ZFAT: variants seen among roughly 807,000 people sequenced by gnomAD.
The protein encoded by ZFAT is zinc finger protein ZFAT.
Under a neutral mutation model 117.7 loss-of-function variants are expected in ZFAT, and 64 were observed. The observed-to-expected ratio is 0.54, with a 90% CI of 0.44 to 0.67. The LOEUF is 0.67. Ranked by LOEUF, ZFAT falls within the 30% of genes least tolerant of loss-of-function variation. ZFAT has a pLI of 0.00. For synonymous variants in ZFAT, 679 were observed against 615.0 expected (o/e 1.10, Z -1.54); for missense variants, 1,433 against 1,584.5 (o/e 0.90, Z 1.62).
the ZFAT span, among the ~76,000 whole-genome samples, chr8:134,830,080 G>C: frequency 6.6e-6 from 1 of 152,118 alleles, no homozygotes; most frequent in Non-Finnish European, 1.5e-5. Flanking sequence ...TTATCTCCAT[G>C]AACATATGAC....
intron 10 of ZFAT, among the ~76,000 whole-genome samples, chr8:134,569,979 A>G (rs549279324): frequency 7.9e-5 from 12 of 152,210 alleles, no homozygotes; most frequent in Admixed American, 5.9e-4. Context: ...ATCTGGCCTC[A>G]CCTCCACCCA....
chr8:134,671,952 C>T (rs1197914253), intron 1 of ZFAT, among the ~76,000 whole-genome samples: 13 of 152,200 alleles, frequency 8.5e-5, no homozygotes, highest in African/African-American at 2.9e-4. Context: ...CATTCTTATA[C>T]ACCAATAACG....
At chr8:134,670,237 C>T (rs922405119) in intron 1 of ZFAT, among the ~76,000 whole-genome samples, 1 of 152,224 alleles carries the variant, frequency 6.6e-6, no homozygotes, top group Non-Finnish European at 1.5e-5. Flanking sequence ...GAACTCAGCT[C>T]TGCACCAAGT....
chr8:134,539,867 G>A (rs1326590475), intron 11 of ZFAT, among the ~76,000 whole-genome samples: 1 of 152,224 alleles, frequency 6.6e-6, no homozygotes, highest in East Asian at 1.9e-4. Context: ...CAGGAGAAGA[G>A]GGTCAGGTGT....
At chr8:134,676,822 T>G (rs1173209551) in intron 1 of ZFAT, among the ~76,000 whole-genome samples, 2 of 152,194 alleles carry the variant, frequency 1.3e-5, no homozygotes, top group African/African-American at 4.8e-5. Flanking sequence ...ACATGGGAAC[T>G]GAACAACCTG....
At chr8:134,499,402 C>T (rs950515248) in intron 15 of ZFAT, among the ~76,000 whole-genome samples, 4 of 147,740 alleles carry the variant, frequency 2.7e-5, no homozygotes, top group African/African-American at 1.0e-4. Context: ...GCTGGGATGC[C>T]CCCGTTGCTG....
intron 15 of ZFAT, among the ~76,000 whole-genome samples, chr8:134,503,577 A>AT (rs1422497574): frequency 1.3e-5 from 2 of 152,166 alleles, no homozygotes; most frequent in Non-Finnish European, 2.9e-5. Flanking sequence ...TTTGGATGAG[A>AT]TTAACATTTA....
At chr8:134,571,043 T>A (rs1451217380) in intron 10 of ZFAT, among the ~76,000 whole-genome samples, 1 of 152,152 alleles carries the variant, frequency 6.6e-6, no homozygotes, top group East Asian at 1.9e-4. Context: ...GTCCATTCAC[T>A]CAGCGAGCAT....
chr8:134,578,155 G>A (rs1237077703), intron 10 of ZFAT, among the ~76,000 whole-genome samples: 1 of 152,134 alleles, frequency 6.6e-6, no homozygotes, highest in African/African-American at 2.4e-5. Flanking sequence ...CGGCTCACAT[G>A]TAATCACAGC....
chr8:134,712,768 C>A (rs1313064263), intron 1 of ZFAT, 77 bp downstream of exon 1: 1 of 1,399,804 alleles, frequency 7.1e-7, no homozygotes, highest in Non-Finnish European at 9.5e-7. Flanking sequence ...CCCGACTCGA[C>A]GCTCGAAACG....
At chr8:134,679,902 C>A (rs1241220368) in intron 1 of ZFAT, among the ~76,000 whole-genome samples, 2 of 133,924 alleles carry the variant, frequency 1.5e-5, no homozygotes, top group Non-Finnish European at 3.1e-5. Flanking sequence ...AACACATGGA[C>A]ACAGGGAAGG....
intron 1 of ZFAT, among the ~76,000 whole-genome samples, chr8:134,688,260 T>C (rs778176471): frequency 6.6e-6 from 1 of 152,236 alleles, no homozygotes; most frequent in Admixed American, 6.5e-5. Flanking sequence ...TAGTTGCTTC[T>C]GCTGTCCTTT....
chr8:134,726,468 GA>G, the ZFAT span, among the ~76,000 whole-genome samples: 103 of 152,332 alleles, frequency 6.8e-4, 2 homozygotes, highest in Admixed American at 5.7e-3. Context: ...GTTCCTAGAA[GA>G]AGGTCATATA....
At chr8:134,538,538 C>T (rs537856831) in intron 11 of ZFAT, among the ~76,000 whole-genome samples, 61 of 152,244 alleles carry the variant, frequency 4.0e-4, no homozygotes, top group African/African-American at 1.5e-3. Context: ...TGGCTCACGC[C>T]TGTAATCCCA....
chr8:134,662,251 C>T lies in ZFAT; in HGVS notation c.20-4514G>A, dbSNP rs547432782. On this transcript the variant is annotated intron_variant, in intron 1 of 15. Coordinates refer to ENST00000377838, the MANE Select transcript of ZFAT (RefSeq NM_020863.4). ...CCCCACCCTCACGACCTGACCACCT[C>T]CCAAAGGTCCCACCTGCTAGGCCAT... 2.2e-3 allele frequency among the ~76,000 whole-genome samples: 337 copies of T among 152,216 alleles called. 2 individuals are homozygous for T. The highest frequency in any genetic ancestry group is 7.7e-3 in the African/African-American group (321 of 41,526).
chr8:134,695,537 A>C (rs1435471758), intron 1 of ZFAT, among the ~76,000 whole-genome samples: 13 of 138,058 alleles, frequency 9.4e-5, no homozygotes, highest in Middle Eastern at 4.5e-3. Flanking sequence ...CCCTGCCTGC[A>C]TCTCTAACCA....
chr8:134,724,788 G>A, the ZFAT span, among the ~76,000 whole-genome samples: 5 of 152,068 alleles, frequency 3.3e-5, no homozygotes, highest in South Asian at 2.1e-4. Flanking sequence ...GGAGAAACTC[G>A]CCTCCCTTCC....
chr8:134,806,565 G>A, the ZFAT span, among the ~76,000 whole-genome samples: 1 of 152,118 alleles, frequency 6.6e-6, no homozygotes, highest in Non-Finnish European at 1.5e-5. Flanking sequence ...ACATTAAGTT[G>A]CAATAAACCA....
intron 1 of ZFAT, among the ~76,000 whole-genome samples, chr8:134,707,619 C>T (rs544649725): frequency 6.6e-6 from 1 of 152,312 alleles, no homozygotes; most frequent in African/African-American, 2.4e-5. Context: ...ACCCCAAGCT[C>T]TCCTGGTCCT....
Sources: allele counts gnomAD v4.1 joint callset (sites outside exome capture counted in the v4.1 genomes callset), GRCh38; gene constraint gnomAD v4.1.1; transcripts MANE v1.5; gene names NCBI Gene and HGNC (gene_info 2026-07-23, HGNC 2026-07-21).